Variants in PCDHGA12 observed in about 807,000 individuals in gnomAD.
PCDHGA12 encodes protocadherin gamma subfamily A, 12.
A neutral mutation model predicts 61.1 loss-of-function variants in PCDHGA12; 43 were observed. The observed-to-expected ratio is 0.70, with a 90% CI of 0.55 to 0.91. PCDHGA12 has a LOEUF of 0.91. Ranked by LOEUF, PCDHGA12 falls within the 40% of genes least tolerant of loss-of-function variation. PCDHGA12 has a pLI of 0.00. For missense variants in PCDHGA12, 1,236 were observed against 1,227.7 expected, an observed-to-expected ratio of 1.01 and a Z score of -0.10; for synonymous variants, 520 against 542.9, an observed-to-expected ratio of 0.96 and a Z score of 0.59.
intron 1 of PCDHGA12, among the ~76,000 whole-genome samples, chr5:141,438,771 C>T (rs1056879944): frequency 1.3e-5 from 2 of 149,126 alleles, no homozygotes; most frequent in Non-Finnish European, 3.0e-5. Flanking sequence ...AAGCGATTCT[C>T]CTGCCTCAGC....
At chr5:141,483,187 GTTT>G (rs899657161) in intron 1 of PCDHGA12, among the ~76,000 whole-genome samples, 2 of 152,172 alleles carry the variant, frequency 1.3e-5, no homozygotes, top group African/African-American at 4.8e-5. Flanking sequence ...AAGCCAAGGA[GTTT>G]TTATTTTATT....
chr5:141,459,827 A>T (rs779024675), intron 1 of PCDHGA12, among the ~76,000 whole-genome samples: 1 of 152,126 alleles, frequency 6.6e-6, no homozygotes, highest in Non-Finnish European at 1.5e-5. Context: ...GCAACTTTTC[A>T]TGTGTTGTCT....
chr5:141,455,593 C>T (rs957677108), intron 1 of PCDHGA12, among the ~76,000 whole-genome samples: 4 of 152,070 alleles, frequency 2.6e-5, no homozygotes, highest in Non-Finnish European at 5.9e-5. Flanking sequence ...AATATGCAAA[C>T]GTAGGGCGCC....
Position 141,430,928 on chromosome 5 carries a change from C to A in PCDHGA12, c.169C>A (p.Arg57=). ...CTCCAGGGACCTGGGGCTGGAGCCC[C>A]GGGAGCTCGCGGAGCGCGGAGTCCG... ...DISRDLGLEP[R]ELAERGVRII... Residue 57 remains arginine (R), a synonymous_variant, in exon 1 of 4, where the codon CGG becomes AGG. Transcript: ENST00000252085. 1 of 1,607,098 alleles carries A rather than the reference C, an allele frequency of 6.2e-7. No individual in the cohort carries two copies. Among genetic ancestry groups the A allele is most frequent in the Non-Finnish European group, 8.5e-7 (1 of 1,177,198 alleles).
At chr5:141,469,012 C>T (rs1196140759) in intron 1 of PCDHGA12, among the ~76,000 whole-genome samples, 1 of 151,852 alleles carries the variant, frequency 6.6e-6, no homozygotes, top group Non-Finnish European at 1.5e-5. Flanking sequence ...TGCGGTGGGT[C>T]ACTCCTGTAA....
At chr5:141,495,052 CTGTT>C (rs1406995321) in intron 2 of PCDHGA12, among the ~76,000 whole-genome samples, 187 bp downstream of exon 2, 1 of 152,190 alleles carries the variant, frequency 6.6e-6, no homozygotes, top group Non-Finnish European at 1.5e-5. Context: ...ACTGCCCTGA[CTGTT>C]CAGGAAGCTC....
chr5:141,465,688 G>C (rs1386213425), intron 1 of PCDHGA12, among the ~76,000 whole-genome samples: 1 of 152,086 alleles, frequency 6.6e-6, no homozygotes, highest in African/African-American at 2.4e-5. Context: ...TGACCAGTCT[G>C]CTTTTGCATT....
rs146615755 is a variant in PCDHGA12 at position 141,486,022 on chromosome 5, T to C, written c.2425-8785T>C. The C allele has an allele frequency of 1.2e-6, 2 of 1,614,030 alleles. No homozygotes were observed. Among genetic ancestry groups the C allele is most frequent in the Non-Finnish European group, 1.7e-6 (2 of 1,180,036 alleles). Reference sequence around the variant, plus strand: ...GTAACGTCACCTTTTATTTCAGTGGTCATACCCCTGATCGTGTAAGAAACC... The same window carrying C: ...GTAACGTCACCTTTTATTTCAGTGGCCATACCCCTGATCGTGTAAGAAACC... On this transcript the variant is annotated intron_variant, in intron 1 of 3. Coordinates refer to ENST00000252085, the MANE Select transcript of PCDHGA12 (RefSeq NM_003735.3). The surrounding 1 kb of genome is among the most constrained non-coding windows in gnomAD (Gnocchi z 5.0).
intron 2 of PCDHGA12, 164 bp downstream of exon 2, chr5:141,495,029 G>A: frequency 2.1e-6 from 2 of 968,864 alleles, no homozygotes; most frequent in Non-Finnish European, 2.5e-6. Flanking sequence ...ACAGACCCCG[G>A]AAGGAAGAGG....
chr5:141,471,006 T>A (rs560578929), intron 1 of PCDHGA12, among the ~76,000 whole-genome samples: 57 of 150,804 alleles, frequency 3.8e-4, no homozygotes, highest in African/African-American at 1.3e-3. Context: ...CATGAGCCAC[T>A]GTGCCTGGTC....
At position 141,487,144 on chromosome 5, in the gene PCDHGA12, C is replaced by T. The variant is rs2099640304; in HGVS notation, c.2425-7663C>T. The T allele has an allele frequency of 6.2e-7, 1 of 1,614,032 alleles. No homozygotes were observed. Among genetic ancestry groups the T allele is most frequent in the African/African-American group, 1.3e-5 (1 of 75,056 alleles). On this transcript the variant is annotated intron_variant, in intron 1 of 3. Coordinates refer to ENST00000252085, the MANE Select transcript of PCDHGA12 (RefSeq NM_003735.3). This position sits in a 1 kb window ranked among gnomAD's most constrained non-coding sequence, Gnocchi z 5.0. ...ATAGTGGTAGTCCACCACTCTCTAC[C>T]TCTGTTACTCTCTTAGTGTCCTTAG...
At position 141,487,653 on chromosome 5, in the gene PCDHGA12, A is replaced by C. The variant is rs1033173132; in HGVS notation, c.2425-7154A>C. The C allele has an allele frequency of 3.1e-6, 5 of 1,613,794 alleles. No individual in the cohort carries two copies. Among genetic ancestry groups the C allele is most frequent in the Non-Finnish European group, 4.2e-6 (5 of 1,179,926 alleles). ...CAGGCTCAACAAATGCTTGAGGGTT[A>C]TTCTGATCCAGGCATATGGCTAGGC... On this transcript the variant is annotated intron_variant, in intron 1 of 3. Transcript: ENST00000252085. This position sits in a 1 kb window ranked among gnomAD's most constrained non-coding sequence, Gnocchi z 5.0.
At chr5:141,482,755 T>TGA (rs1554165462) in intron 1 of PCDHGA12, among the ~76,000 whole-genome samples, 1 of 143,580 alleles carries the variant, frequency 7.0e-6, no homozygotes, top group Admixed American at 6.9e-5. Context: ...GGGATTATGG[T>TGA]ATTTCATTAT....
At chr5:141,461,966 G>A (rs2099027516) in intron 1 of PCDHGA12, among the ~76,000 whole-genome samples, 1 of 152,162 alleles carries the variant, frequency 6.6e-6, no homozygotes, top group African/African-American at 2.4e-5. Context: ...TGGGATTCCA[G>A]GCATATGCCA....
At position 141,430,848 on chromosome 5, in the gene PCDHGA12, A is replaced by G. The variant is rs780445178; in HGVS notation, c.89A>G (p.Gln30Arg). The G allele has an allele frequency of 1.3e-6, 2 of 1,581,028 alleles. No homozygotes were observed. The highest frequency in any genetic ancestry group is 1.8e-5 in the Admixed American group (1 of 54,150). ...LGTLWETGCT[Q>R]IRYSVPEELE... ...ACTCTGTGGGAGACCGGATGCACCC[A>G]GATACGCTATTCAGTTCCGGAAGAG... The change falls in exon 1 of 4, where the codon CAG (glutamine) becomes CGG (arginine). Residue 30 changes from glutamine to arginine, a missense_variant. Physicochemically the swap from Gln to Arg is conservative, Grantham distance 43. Transcript: ENST00000252085.
chr5:141,476,317 G>C lies in PCDHGA12; in HGVS notation c.2425-18490G>C, dbSNP rs759809060. The C allele has an allele frequency of 1.2e-6, 2 of 1,614,052 alleles. No homozygotes were observed. The highest frequency in any genetic ancestry group is 2.7e-5 in the African/African-American group (2 of 74,922). ...GTAGCCTCTCAGCCCGCAGGTTCCGGGTGGTGTCTGGAGCTAGCCGAAGAT... is the reference window on the plus strand; with the variant it reads ...GTAGCCTCTCAGCCCGCAGGTTCCGCGTGGTGTCTGGAGCTAGCCGAAGAT... On this transcript the variant is annotated intron_variant, in intron 1 of 3. Coordinates refer to ENST00000252085, the MANE Select transcript of PCDHGA12 (RefSeq NM_003735.3). The surrounding 1 kb of genome is among the most constrained non-coding windows in gnomAD (Gnocchi z 7.6).
chr5:141,431,622 C>T lies in PCDHGA12; in HGVS notation c.863C>T (p.Ala288Val), dbSNP rs761448407. 3 of 1,614,070 alleles carry T rather than the reference C, an allele frequency of 1.9e-6. No individual in the cohort carries two copies. The African/African-American group carries it at 4.0e-5, about 22-fold the overall frequency. ...RYSFRYVDDK[A>V]AQVFKLDCNS... is the part of the protein sequence containing the mutation. ...TCCTTCCGGTATGTGGACGACAAGGCGGCCCAAGTTTTCAAACTAGATTGT... is the reference window on the plus strand; with the variant it reads ...TCCTTCCGGTATGTGGACGACAAGGTGGCCCAAGTTTTCAAACTAGATTGT... The change falls in exon 1 of 4, where the codon GCG (alanine) becomes GTG (valine). Residue 288 changes from alanine to valine, a missense_variant. By Grantham distance (64) the Ala-to-Val change is moderately conservative. Transcript: ENST00000252085. The surrounding 1 kb of genome is among the most constrained non-coding windows in gnomAD (Gnocchi z 4.8).
intron 2 of PCDHGA12, among the ~76,000 whole-genome samples, chr5:141,501,983 C>G (rs957901405): frequency 6.6e-6 from 1 of 152,068 alleles, no homozygotes; most frequent in Non-Finnish European, 1.5e-5. Flanking sequence ...CATCTGGTCC[C>G]GTTGTCTCCC....
At chr5:141,441,173 C>G (rs2098230611) in intron 1 of PCDHGA12, 1 of 152,180 alleles carries the variant, frequency 6.6e-6, no homozygotes, top group South Asian at 2.1e-4. Context: ...ATTTTTACTT[C>G]TAATTCCACA....
Sources: allele counts gnomAD v4.1 joint callset (sites outside exome capture counted in the v4.1 genomes callset), GRCh38; gene constraint gnomAD v4.1.1; non-coding constraint Gnocchi (gnomAD v3.1); transcripts MANE v1.5; gene names NCBI Gene and HGNC (gene_info 2026-07-23, HGNC 2026-07-21).